The following CYP2C8 variants were observed in gnomAD, a reference collection of about 807,000 sequenced individuals.
The protein encoded by CYP2C8 is cytochrome P450 family 2 subfamily C member 8, also known as cytochrome P450 2C8.
In CYP2C8, 51 loss-of-function variants were observed where a neutral mutation model predicts 41.3. That is an observed-to-expected ratio of 1.24 (90% CI 0.99 to 1.56). The LOEUF (loss-of-function observed/expected upper bound fraction) is 1.56. CYP2C8 is among the 40% of genes most tolerant of loss of function. The pLI is 0.00. For synonymous variants in CYP2C8, 218 were observed against 205.8 expected (o/e 1.06, Z -0.51); for missense variants, 651 against 579.9 (o/e 1.12, Z -1.26).
Position 95,058,449 on chromosome 10 carries a change from T to A in CYP2C8, c.705A>T (p.Lys235Asn), listed in dbSNP as rs2033354989. 1 of 1,613,400 alleles carries A rather than the reference T, an allele frequency of 6.2e-7. No individual in the cohort carries two copies. The highest frequency in any genetic ancestry group is 8.5e-7 in the Non-Finnish European group (1 of 1,179,622). ...TGTAACTTCGTGTAAGAGCAACATTTTTAAGCACTTTGTTGTGAGTTCCTG... is the reference window on the plus strand; with the variant it reads ...TGTAACTTCGTGTAAGAGCAACATTATTAAGCACTTTGTTGTGAGTTCCTG... ...CFPGTHNKVL[K>N]NVALTRSYIR... Residue 235 changes from lysine to asparagine, a missense_variant, in exon 5 of 9, where the codon AAA (lysine) becomes AAT (asparagine). Physicochemically the swap from Lys to Asn is moderately conservative, Grantham distance 94. Coordinates refer to ENST00000371270, the MANE Select transcript of CYP2C8 (RefSeq NM_000770.3).
chr10:95,058,691 A>G (rs1338805538), intron 4 of CYP2C8, among the ~76,000 whole-genome samples, 180 bp from the exon 5 acceptor site: 1 of 152,044 alleles, frequency 6.6e-6, no homozygotes, highest in Non-Finnish European at 1.5e-5. Flanking sequence ...ATGTGCACAA[A>G]GTGCAGGTTT....
At chr10:95,067,078 C>T (rs2033584170) in intron 3 of CYP2C8, 130 bp downstream of exon 3, 1 of 1,290,726 alleles carries the variant, frequency 7.7e-7, no homozygotes, top group Non-Finnish European at 1.1e-6. Context: ...TTCAAATCTC[C>T]CTCCACCACC....
rs574734727 is a variant in CYP2C8 at position 95,059,825 on chromosome 10, G to C, written c.643-1314C>G. On this transcript the variant is annotated intron_variant, in intron 4 of 8. Transcript: ENST00000371270. ...CATCTTGAATTAATTTTTGTATAAGGTGTAAGGAAGGGATCCAGTTTCAGC... is the reference window on the plus strand; with the variant it reads ...CATCTTGAATTAATTTTTGTATAAGCTGTAAGGAAGGGATCCAGTTTCAGC... Among the ~76,000 whole-genome samples, 55 of 152,302 alleles carry C rather than the reference G, an allele frequency of 3.6e-4. 2 individuals carry two copies. In the South Asian group the frequency reaches 0.011, roughly 32 times the overall value.
At chr10:95,041,924 C>T (rs887862423) in intron 7 of CYP2C8, among the ~76,000 whole-genome samples, 3 of 151,966 alleles carry the variant, frequency 2.0e-5, no homozygotes, top group Non-Finnish European at 2.9e-5. Context: ...TGACATGAGC[C>T]TTCTGGGGGC....
intron 4 of CYP2C8, among the ~76,000 whole-genome samples, chr10:95,063,194 A>C (rs977612572): frequency 1.4e-4 from 21 of 152,114 alleles, no homozygotes; most frequent in South Asian, 4.1e-4. Context: ...CTGCCTTCCT[A>C]GGTTGGGGAA....
At chr10:95,057,976 C>T (rs2033343448) in intron 5 of CYP2C8, among the ~76,000 whole-genome samples, 1 of 152,132 alleles carries the variant, frequency 6.6e-6, no homozygotes, top group Non-Finnish European at 1.5e-5. Context: ...TATGATAAGC[C>T]ATTCTTTTCC....
intron 5 of CYP2C8, among the ~76,000 whole-genome samples, chr10:95,050,434 C>T (rs2033192921): frequency 6.6e-6 from 1 of 152,114 alleles, no homozygotes; most frequent in Non-Finnish European, 1.5e-5. Flanking sequence ...AGGCAGTAGC[C>T]AGGGAATGGT....
intron 1 of CYP2C8, chr10:95,068,689 T>G: frequency 1.0e-6 from 1 of 1,001,494 alleles, no homozygotes; most frequent in Non-Finnish European, 1.4e-6. Flanking sequence ...AATGATTATA[T>G]AATACAATGA....
At chr10:95,057,722 A>G (rs11572106) in intron 5 of CYP2C8, among the ~76,000 whole-genome samples, 2,319 of 152,288 alleles carry the variant, frequency 0.015, 22 homozygotes, top group Middle Eastern at 0.031. Context: ...TACTTTTTCA[A>G]TAAATAGTTC....
chr10:95,037,297 CA>C lies in CYP2C8; in HGVS notation c.1303del (p.Cys435ValfsTer15), dbSNP rs1564732422. On this transcript the variant is annotated frameshift_variant, in exon 9 of 9. Coordinates refer to ENST00000371270, the MANE Select transcript of CYP2C8 (RefSeq NM_000770.3). LOFTEE classifies it low-confidence loss of function (END_TRUNC). ...CATGCGGGCAAGTCCTTCTCCTGCA[CA>C]AATTCGTTTTCCTGAAGATAACAAA... ...FMPFSAGKRI[C>X]AGEGLARMEL... 6.2e-7 allele frequency: 1 copy of C among 1,613,198 alleles called. No homozygotes were observed. Among genetic ancestry groups the C allele is most frequent in the Non-Finnish European group, 8.5e-7 (1 of 1,179,698 alleles).
chr10:95,046,071 A>G (rs1392708175), intron 5 of CYP2C8, 120 bp from the exon 6 acceptor site: 3 of 1,152,176 alleles, frequency 2.6e-6, no homozygotes, highest in African/African-American at 1.6e-5. Context: ...ACAGTACAGT[A>G]TTAGAAAAAG....
At chr10:95,053,241 G>T (rs1035563149) in intron 5 of CYP2C8, among the ~76,000 whole-genome samples, 2 of 152,080 alleles carry the variant, frequency 1.3e-5, no homozygotes, top group African/African-American at 4.8e-5. Flanking sequence ...AGTTAGAATG[G>T]TGATCATTAA....
chr10:95,068,744 AT>A (rs1209890828), intron 1 of CYP2C8: 1 of 592,574 alleles, frequency 1.7e-6, no homozygotes, highest in African/African-American at 1.9e-5. Flanking sequence ...TCACTCCGCT[AT>A]TTCTGACAAT....
chr10:95,056,858 A>G (rs1202401383), intron 5 of CYP2C8, among the ~76,000 whole-genome samples: 1 of 152,154 alleles, frequency 6.6e-6, no homozygotes, highest in Non-Finnish European at 1.5e-5. Flanking sequence ...TGTGGAGCTT[A>G]GCCTGGGAGG....
At chr10:95,038,328 T>A (rs1589435263) in intron 8 of CYP2C8, among the ~76,000 whole-genome samples, 1 of 152,294 alleles carries the variant, frequency 6.6e-6, no homozygotes, top group East Asian at 1.9e-4. Context: ...TGCCTCACTG[T>A]GTTATATGAG....
intron 5 of CYP2C8, among the ~76,000 whole-genome samples, chr10:95,055,272 T>C (rs1470513245): frequency 4.6e-5 from 7 of 152,042 alleles, no homozygotes; most frequent in Admixed American, 3.9e-4. Flanking sequence ...TGGAATAAAA[T>C]TGAAATCCAA....
At chr10:95,047,330 G>T (rs1355445751) in intron 5 of CYP2C8, among the ~76,000 whole-genome samples, 1 of 152,038 alleles carries the variant, frequency 6.6e-6, no homozygotes, top group African/African-American at 2.4e-5. Context: ...CACAATTTTA[G>T]TTTATAGATA....
intron 3 of CYP2C8, among the ~76,000 whole-genome samples, chr10:95,066,153 A>AGAGAGAGT (rs1342809282): frequency 9.6e-4 from 85 of 88,264 alleles, no homozygotes; most frequent in Non-Finnish European, 1.5e-3. Context: ...AGAGAGAGAG[A>AGAGAGAGT]GTGTGTGTGT....
At chr10:95,058,300 G>A in intron 5 of CYP2C8, 35 bp downstream of exon 5, 1 of 1,610,802 alleles carries the variant, frequency 6.2e-7, no homozygotes, top group Non-Finnish European at 8.5e-7. Context: ...AAATGGACAA[G>A]AAATCAAAAT....
Sources: allele counts gnomAD v4.1 joint callset (sites outside exome capture counted in the v4.1 genomes callset), GRCh38; gene constraint gnomAD v4.1.1; transcripts MANE v1.5; gene names NCBI Gene and HGNC (gene_info 2026-07-23, HGNC 2026-07-21).